The following ZBTB11 variants were observed in gnomAD, a reference collection of about 807,000 sequenced individuals.
The protein encoded by ZBTB11 is zinc finger and BTB domain-containing protein 11.
ZBTB11 carries 68 observed loss-of-function variants against 113.1 expected under a neutral mutation model. That is an observed-to-expected ratio of 0.60 (90% CI 0.49 to 0.74). The LOEUF (loss-of-function observed/expected upper bound fraction) is 0.74. ZBTB11 is among the 30% of genes least tolerant of loss of function. ZBTB11 has a pLI of 0.00. For synonymous variants in ZBTB11, 518 were observed against 452.6 expected (o/e 1.14, Z -1.83); for missense variants, 1,104 against 1,279.4 (o/e 0.86, Z 2.09).
intron 1 of ZBTB11, 38 bp downstream of exon 1, chr3:101,676,567 G>C (rs1052263304): frequency 1.8e-5 from 26 of 1,451,128 alleles, no homozygotes; most frequent in Non-Finnish European, 2.3e-5. Flanking sequence ...CAGGCAACGA[G>C]TCGCCAGCCC....
Position 101,649,789 on chromosome 3 carries a change from C to T in ZBTB11, c.*1377G>A, listed in dbSNP as rs1361691171. The T allele has an allele frequency of 2.0e-5, 3 of 152,596 alleles. No homozygotes were observed. Among genetic ancestry groups the T allele is most frequent in the Non-Finnish European group, 4.4e-5 (3 of 68,016 alleles). The allele number at this position is 152,596 out of a possible 1,614,324, so 9.5% of individuals were successfully genotyped here. The stretch of plus-strand genomic sequence containing the variant: ...CATTTTTAAAGTAAACTGGGAGAGG[C>T]AACTTAGTAATATATGTACATCAAG... On this transcript the variant is annotated 3_prime_UTR_variant, in exon 11 of 11. Transcript: ENST00000312938.
chr3:101,666,611 G>T (rs893446532), intron 3 of ZBTB11, among the ~76,000 whole-genome samples: 2 of 152,110 alleles, frequency 1.3e-5, no homozygotes, highest in Non-Finnish European at 2.9e-5. Flanking sequence ...AAAAGCCATT[G>T]TTAATTCTTA....
intron 1 of ZBTB11, among the ~76,000 whole-genome samples, chr3:101,675,812 A>C (rs908230744): frequency 6.6e-6 from 1 of 152,192 alleles, no homozygotes; most frequent in Non-Finnish European, 1.5e-5. Context: ...TACGAATATC[A>C]AGCTGGGCGC....
chr3:101,674,791 AC>A (rs996860235), intron 1 of ZBTB11, among the ~76,000 whole-genome samples: 3 of 151,810 alleles, frequency 2.0e-5, no homozygotes, highest in Non-Finnish European at 2.9e-5. Context: ...TAAAAAAAAA[AC>A]AACTGGATTA....
At chr3:101,660,391 T>C (rs1489037620) in intron 5 of ZBTB11, among the ~76,000 whole-genome samples, 1 of 152,154 alleles carries the variant, frequency 6.6e-6, no homozygotes, top group African/African-American at 2.4e-5. Flanking sequence ...GGTCCTTGGA[T>C]TTTATCTCAT....
At position 101,664,692 on chromosome 3, in the gene ZBTB11, C is replaced by T. The variant is rs778190992; in HGVS notation, c.1646G>A (p.Arg549Lys). ...VQQVAQKLVQ[R>K]GKKMKQPKRD... Reference sequence around the variant, plus strand: ...TTTTGGCTGTTTCATCTTTTTTCCTCTTTGAACTAACTTCTGAGCCACCTA... The same window carrying T: ...TTTTGGCTGTTTCATCTTTTTTCCTTTTTGAACTAACTTCTGAGCCACCTA... The change falls in exon 5 of 11, where the codon AGA becomes AAA. Residue 549 changes from arginine (R) to lysine (K), a missense_variant. Physicochemically the swap from Arg to Lys is conservative, Grantham distance 26. Transcript: ENST00000312938. 5 of 1,608,188 alleles carry T rather than the reference C, an allele frequency of 3.1e-6. No individual in the cohort carries two copies. The East Asian group carries it at 8.9e-5, about 29-fold the overall frequency.
chr3:101,659,854 T>A lies in ZBTB11; in HGVS notation c.1975A>T (p.Thr659Ser). 2 of 1,614,230 alleles carry A rather than the reference T, an allele frequency of 1.2e-6. No individual in the cohort carries two copies. Among genetic ancestry groups the A allele is most frequent in the South Asian group, 2.2e-5 (2 of 91,092 alleles). The change falls in exon 6 of 11, where the codon ACA becomes TCA. Residue 659 changes from threonine (T) to serine (S), a missense_variant. Coordinates refer to ENST00000312938, the MANE Select transcript of ZBTB11 (RefSeq NM_014415.4). ...CGGAGAGAATATAATTTAGGTAATG[T>A]TCTTCCACATATGGAACATATAAAT... is the stretch of plus-strand genomic sequence containing the variant. ...REFICSICGR[T>S]LPKLYSLRIH...
intron 1 of ZBTB11, among the ~76,000 whole-genome samples, chr3:101,675,398 T>C (rs1345936871): frequency 6.6e-6 from 1 of 152,234 alleles, no homozygotes; most frequent in Non-Finnish European, 1.5e-5. Flanking sequence ...CGAATAAACT[T>C]GATGATGTTT....
In ZBTB11 at chr3:101,665,255, C is replaced by T. The variant is rs904978539; in HGVS notation, c.1332G>A (p.Glu444=). The part of the protein sequence containing the change: ...VSNIHPKLSK[E]NVISSSPEDS... The stretch of plus-strand genomic sequence containing the variant: ...CCTCTGGCGAGCTACTAATTACATT[C>T]TCTTTTGAAAGTTTAGGGTGTATAT... Residue 444 remains glutamate (E), a synonymous_variant, in exon 4 of 11, where the codon GAG becomes GAA. Coordinates refer to ENST00000312938, the MANE Select transcript of ZBTB11 (RefSeq NM_014415.4). 4 of 1,614,172 alleles carry T rather than the reference C, an allele frequency of 2.5e-6. No individual in the cohort carries two copies. The highest frequency in any genetic ancestry group is 3.4e-6 in the Non-Finnish European group (4 of 1,180,024).
chr3:101,663,474 A>G (rs1936927695), intron 5 of ZBTB11, among the ~76,000 whole-genome samples: 1 of 152,188 alleles, frequency 6.6e-6, no homozygotes. Context: ...TTTCCATGTA[A>G]ATGGGGAGGG....
In ZBTB11 at chr3:101,672,215, T is replaced by G; in HGVS notation, c.311-2A>C. 6.3e-7 allele frequency: 1 copy of G among 1,581,998 alleles called. No homozygotes were observed. The highest frequency in any genetic ancestry group is 8.6e-7 in the Non-Finnish European group (1 of 1,162,364). On this transcript the variant is annotated splice_acceptor_variant, in intron 1 of 10. Transcript: ENST00000312938. LOFTEE classifies it high-confidence loss of function. ...AATCTTTGACTTGCTTCAATATACC[T>G]ACAATGAAAATATTAACAAGTCAAA...
At chr3:101,674,572 G>T (rs1178575677) in intron 1 of ZBTB11, among the ~76,000 whole-genome samples, 1 of 151,336 alleles carries the variant, frequency 6.6e-6, no homozygotes. Context: ...TTAGCTGGGC[G>T]TGGTGTAATC....
chr3:101,654,924 A>T (rs1199496118), intron 7 of ZBTB11, 103 bp from the exon 8 acceptor site: 1 of 844,076 alleles, frequency 1.2e-6, no homozygotes, highest in Non-Finnish European at 1.9e-6. Context: ...CCCAGGTTGG[A>T]TGGAGTGCAG....
rs757220454 is a variant in ZBTB11, at chr3:101,671,336, C to T, written c.572G>A (p.Arg191His). Residue 191 changes from arginine to histidine, a missense_variant, in exon 3 of 11, where the codon CGT (arginine) becomes CAT (histidine). Physicochemically the swap from Arg to His is conservative, Grantham distance 29 (BLOSUM62 0). Coordinates refer to ENST00000312938, the MANE Select transcript of ZBTB11 (RefSeq NM_014415.4). ...AGCCTGACAATGTTTTGGAGAAGAA[C>T]GTTTTACCACTCCTTTGGTGTCAAC... ...VFVDTKGVVK[R>H]SSPKHCQAVL... The T allele has an allele frequency of 9.3e-6, 15 of 1,613,970 alleles. No homozygotes were observed. Among genetic ancestry groups the T allele is most frequent in the African/African-American group, 6.7e-5 (5 of 74,908 alleles).
At chr3:101,660,090 A>G in intron 5 of ZBTB11, 62 bp from the exon 6 acceptor site, 3 of 1,524,506 alleles carry the variant, frequency 2.0e-6, no homozygotes, top group Non-Finnish European at 2.7e-6. Context: ...ACTGAAACTC[A>G]ACTCATATTT....
At chr3:101,670,128 G>A (rs1040727722) in intron 3 of ZBTB11, among the ~76,000 whole-genome samples, 10 of 152,074 alleles carry the variant, frequency 6.6e-5, no homozygotes, top group East Asian at 3.9e-4. Context: ...GCGCCTGGCC[G>A]TTATTATTGC....
rs539055563 is a variant in ZBTB11 at position 101,665,534 on chromosome 3, T to G, written c.1053A>C (p.Thr351=). ...APPVASSEGT[T]TSLPTELGDC... is the part of the protein sequence containing the mutation. ...CCCCAAGTTCAGTAGGTAAACTTGT[T>G]GTGGTTCCCTCACTGCTAGCAACAG... Residue 351 remains threonine, a synonymous_variant, in exon 4 of 11, where the codon ACA becomes ACC. Coordinates refer to ENST00000312938, the MANE Select transcript of ZBTB11 (RefSeq NM_014415.4). 2 of 1,614,198 alleles carry G rather than the reference T, an allele frequency of 1.2e-6. No individual in the cohort carries two copies. Among genetic ancestry groups the G allele is most frequent in the East Asian group, 4.5e-5 (2 of 44,888 alleles).
rs773075411 is a variant in ZBTB11 at position 101,651,287 on chromosome 3, T to C, written c.3041A>G (p.Gln1014Arg). Reference protein sequence around the residue: ...EYPSVSTLSDQSIMQVVNYVL... With the variant: ...EYPSVSTLSDRSIMQVVNYVL... The stretch of plus-strand genomic sequence containing the variant: ...ATAATTAACCACTTGCATAATACTT[T>C]GGTCAGAAAGTGTAGATACCGATGG... Residue 1014 changes from glutamine to arginine, a missense_variant, in exon 11 of 11, where the codon CAA (glutamine) becomes CGA (arginine). By Grantham distance (43) the Gln-to-Arg change is conservative. Transcript: ENST00000312938. The C allele has an allele frequency of 2.0e-5, 32 of 1,614,126 alleles. No individual in the cohort carries two copies. In the South Asian group the frequency reaches 3.3e-4, roughly 17 times the overall value.
At chr3:101,655,885 C>T (rs559595287) in intron 7 of ZBTB11, 2 of 229,184 alleles carry the variant, frequency 8.7e-6, no homozygotes, top group East Asian at 9.6e-5. Flanking sequence ...TGGTCTCAAT[C>T]TCCTGACCTC....
Sources: allele counts gnomAD v4.1 joint callset (sites outside exome capture counted in the v4.1 genomes callset), GRCh38; gene constraint gnomAD v4.1.1; transcripts MANE v1.5; gene names NCBI Gene and HGNC (gene_info 2026-07-23, HGNC 2026-07-21).